Variants in HSCB observed in about 807,000 individuals in gnomAD.
HSCB encodes iron-sulfur cluster co-chaperone protein HscB.
Under a neutral mutation model 31.3 loss-of-function variants are expected in HSCB, and 23 were observed. The observed-to-expected ratio is 0.74, with a 90% CI of 0.53 to 1.04. The LOEUF (loss-of-function observed/expected upper bound fraction) is 1.04, where lower values mean the gene tolerates loss of function less well. Among genes scored for constraint, HSCB ranks in the 50% least tolerant of loss-of-function variants. The probability of loss-of-function intolerance (pLI) is 0.00; values close to 1 mark genes in which losing one functional copy is unlikely to be tolerated. For missense variants in HSCB, 297 were observed against 288.1 expected, an observed-to-expected ratio of 1.03 and a Z score of -0.22; for synonymous variants, 110 against 104.5, an observed-to-expected ratio of 1.05 and a Z score of -0.32.
rs184364274 is a variant in HSCB at position 28,743,281 on chromosome 22, A to T, written c.237-601A>T. On this transcript the variant is annotated intron_variant, in intron 1 of 5. Coordinates refer to ENST00000216027, the MANE Select transcript of HSCB (RefSeq NM_172002.5). ...TGAAGACAGGCCAGGCTGCTTAGAC[A>T]CCACCTGGGGGATAGTAGAGGATGA... Among the ~76,000 whole-genome samples, 21 of 152,240 alleles carry T rather than the reference A, an allele frequency of 1.4e-4. 1 individual carries two copies. The highest frequency in any genetic ancestry group is 1.4e-3 in the Admixed American group (21 of 15,278).
chr22:28,752,170 G>A (rs1017220680), intron 5 of HSCB, among the ~76,000 whole-genome samples: 19 of 151,736 alleles, frequency 1.3e-4, no homozygotes, highest in African/African-American at 4.1e-4. Context: ...TGGGCTGGGC[G>A]CGGTGGCTCA....
intron 5 of HSCB, among the ~76,000 whole-genome samples, chr22:28,753,142 G>A (rs987050108): frequency 2.1e-4 from 32 of 152,098 alleles, no homozygotes; most frequent in Non-Finnish European, 7.3e-5. Flanking sequence ...TCTACATAAC[G>A]AAAGGAAGAC....
chr22:28,750,900 G>A (rs1329446463), intron 4 of HSCB, among the ~76,000 whole-genome samples: 5 of 144,568 alleles, frequency 3.5e-5, no homozygotes, highest in South Asian at 4.6e-4. Flanking sequence ...CTGAAATGTC[G>A]AAGACCCAAA....
chr22:28,743,665 C>A (rs1050737601), intron 1 of HSCB, among the ~76,000 whole-genome samples: 1 of 152,172 alleles, frequency 6.6e-6, no homozygotes, highest in Admixed American at 6.5e-5. Context: ...TTTGATTACT[C>A]ATCATCATTC....
chr22:28,746,237 C>T (rs1473917518), intron 4 of HSCB, among the ~76,000 whole-genome samples: 3 of 151,640 alleles, frequency 2.0e-5, no homozygotes, highest in African/African-American at 7.3e-5. Context: ...AAAAATTAGC[C>T]GGGCGTGGTG....
chr22:28,742,361 C>T (rs774051729), intron 1 of HSCB, 30 bp downstream of exon 1: 82 of 1,605,220 alleles, frequency 5.1e-5, no homozygotes, highest in Non-Finnish European at 2.5e-5. Flanking sequence ...GAAACGGGCC[C>T]GGGCGAGAGA....
intron 5 of HSCB, among the ~76,000 whole-genome samples, chr22:28,756,508 G>A (rs1001634696): frequency 2.2e-4 from 32 of 144,556 alleles, no homozygotes; most frequent in Admixed American, 4.9e-4. Flanking sequence ...TCACCCTGTC[G>A]CCCAGGTTGA....
At position 28,742,236 on chromosome 22, in the gene HSCB, A is replaced by G. The variant is rs779161836; in HGVS notation, c.141A>G (p.Pro47=). 6.2e-7 allele frequency: 1 copy of G among 1,613,920 alleles called. No individual in the cohort carries two copies. The highest frequency in any genetic ancestry group is 1.3e-5 in the African/African-American group (1 of 75,038). Residue 47 remains proline, a synonymous_variant, in exon 1 of 6, where the codon CCA becomes CCG. Coordinates refer to ENST00000216027, the MANE Select transcript of HSCB (RefSeq NM_172002.5). ...CCCGCTGTTGGAACTGCGGCGGCCCATGGGGCCCCGGGCGGGAGGACAGGT... is the reference window on the plus strand; with the variant it reads ...CCCGCTGTTGGAACTGCGGCGGCCCGTGGGGCCCCGGGCGGGAGGACAGGT... ...NYPRCWNCGG[P]WGPGREDRFF...
At position 28,744,684 on chromosome 22, in the gene HSCB, C is replaced by G. The variant is rs2054654813; in HGVS notation, c.403C>G (p.Leu135Val). Residue 135 changes from leucine to valine, a missense_variant, in exon 3 of 6, where the codon CTG becomes GTG. Physicochemically the swap from Leu to Val is conservative, Grantham distance 32. Transcript: ENST00000216027. ...NDAYKTLLAPLSRGLYLLKLH... is the reference protein window; with the variant it reads ...NDAYKTLLAPVSRGLYLLKLH... ...TGCCTATAAGACCCTCCTGGCCCCC[C>G]TGAGCAGAGGACTGTACCTTGTAAG... is the stretch of plus-strand genomic sequence containing the variant. 6.2e-7 allele frequency: 1 copy of G among 1,613,632 alleles called. No individual in the cohort carries two copies. Among genetic ancestry groups the G allele is most frequent in the Non-Finnish European group, 8.5e-7 (1 of 1,179,506 alleles).
chr22:28,753,222 C>G (rs2030377352), intron 5 of HSCB, among the ~76,000 whole-genome samples: 1 of 151,574 alleles, frequency 6.6e-6, no homozygotes, highest in South Asian at 2.1e-4. Context: ...AAAGTGTTTT[C>G]AAAATAATAA....
chr22:28,750,777 A>G (rs1237650958), intron 4 of HSCB, among the ~76,000 whole-genome samples: 1 of 152,142 alleles, frequency 6.6e-6, no homozygotes, highest in Non-Finnish European at 1.5e-5. Context: ...ATGACACAAC[A>G]TGATGTAAAT....
rs553095898 is a variant in HSCB, at chr22:28,742,440, G to T, written c.236+109G>T. The T allele has an allele frequency of 1.5e-5, 23 of 1,485,712 alleles. No individual in the cohort carries two copies. The South Asian group carries it at 2.2e-4, about 14-fold the overall frequency. 92.0% of individuals were successfully genotyped at this position (1,485,712 alleles called of 1,614,324 possible). Reference sequence around the variant, plus strand: ...GGCGGAAGAGAAGGCGGGACTGATGGGGGGGCGGAGGTCTAGAGAGCAGGC... The same window carrying T: ...GGCGGAAGAGAAGGCGGGACTGATGTGGGGGCGGAGGTCTAGAGAGCAGGC... On this transcript the variant is annotated intron_variant, in intron 1 of 5. Transcript: ENST00000216027.
rs762393943 is a variant in HSCB, at chr22:28,742,283, C to T, written c.188C>T (p.Ala63Val). 4 of 1,613,970 alleles carry T rather than the reference C, an allele frequency of 2.5e-6. No individual in the cohort carries two copies. The highest frequency in any genetic ancestry group is 2.2e-5 in the East Asian group (1 of 44,886). The change falls in exon 1 of 6, where the codon GCG becomes GTG. Residue 63 changes from alanine to valine, a missense_variant. Ala to Val is a moderately conservative substitution (Grantham distance 64, BLOSUM62 0). Transcript: ENST00000216027. ...EDRFFCPQCR[A>V]LQAPDPTRDY... is the part of the protein sequence containing the mutation. ...AGGTTCTTCTGCCCACAGTGCCGAG[C>T]GCTGCAGGCACCTGACCCCACTCGA...
rs563701958 is a variant in HSCB at position 28,750,247 on chromosome 22, C to CAAAAA, written c.569-969_569-965dup. On this transcript the variant is annotated intron_variant, in intron 4 of 5. Transcript: ENST00000216027. ...CTGGGCAACAAGAGCGAAACTGTCTCAAAAAAAAAAAAAAAAAAAAAAAAA... is the reference window on the plus strand; with the variant it reads ...CTGGGCAACAAGAGCGAAACTGTCTCAAAAAAAAAAAAAAAAAAAAAAAAAAAAAA... Among the ~76,000 whole-genome samples the CAAAAA allele has an allele frequency of 2.3e-4, 15 of 64,710 alleles. 1 individual carries two copies. Among genetic ancestry groups the CAAAAA allele is most frequent in the African/African-American group, 3.5e-4 (6 of 17,090 alleles). 42.5% of individuals were successfully genotyped at this position (64,710 alleles called of 152,430 possible).
At chr22:28,742,369 A>G (rs2054583663) in intron 1 of HSCB, 38 bp downstream of exon 1, 2 of 1,602,988 alleles carry the variant, frequency 1.2e-6, no homozygotes, top group Non-Finnish European at 1.7e-6. Context: ...CCCGGGCGAG[A>G]GACACGTCGA....
chr22:28,755,618 T>G (rs896953840), intron 5 of HSCB, among the ~76,000 whole-genome samples: 8 of 152,150 alleles, frequency 5.3e-5, no homozygotes, highest in Admixed American at 2.0e-4. Flanking sequence ...TTTCTTTATA[T>G]AAATAATACA....
chr22:28,755,783 G>T (rs572676029), intron 5 of HSCB, among the ~76,000 whole-genome samples: 2 of 152,114 alleles, frequency 1.3e-5, no homozygotes, highest in East Asian at 3.8e-4. Flanking sequence ...GATATTGTAA[G>T]CCAGATAATT....
rs1601407244 is a variant in HSCB at position 28,755,666 on chromosome 22, T to TG, written c.617-1410dup. On this transcript the variant is annotated intron_variant, in intron 5 of 5. Transcript: ENST00000216027. ...ACTTTTTTGCTTAATATTTTATTTT[T>TG]GGAGTCATCTGGAATGATGCAAATG... 2.6e-5 allele frequency among the ~76,000 whole-genome samples: 4 copies of TG among 152,356 alleles called. No individual in the cohort carries two copies. The East Asian group carries it at 7.7e-4, about 29-fold the overall frequency.
rs2030234207 is a variant in HSCB, at chr22:28,751,299, T to C, written c.616+11T>C. On this transcript the variant is annotated intron_variant, in intron 5 of 5. Coordinates refer to ENST00000216027, the MANE Select transcript of HSCB (RefSeq NM_172002.5). ...GTGCTTTTGAACAAGGTACTTTCTTTTCTTCACTTTCTTAAATATGGAAAG... is the reference window on the plus strand; with the variant it reads ...GTGCTTTTGAACAAGGTACTTTCTTCTCTTCACTTTCTTAAATATGGAAAG... The C allele has an allele frequency of 6.5e-7, 1 of 1,542,784 alleles. No individual in the cohort carries two copies. Among genetic ancestry groups the C allele is most frequent in the East Asian group, 2.3e-5 (1 of 44,414 alleles).
Sources: allele counts gnomAD v4.1 joint callset (sites outside exome capture counted in the v4.1 genomes callset), GRCh38; gene constraint gnomAD v4.1.1; transcripts MANE v1.5; gene names NCBI Gene and HGNC (gene_info 2026-07-23, HGNC 2026-07-21).